Variants in ITSN1 observed in about 807,000 individuals in gnomAD.
ITSN1 encodes intersectin 1, also known as intersectin-1.
Under a neutral mutation model 239.8 loss-of-function variants are expected in ITSN1, and 58 were observed. The observed-to-expected ratio is 0.24, with a 90% CI of 0.20 to 0.30. The LOEUF (loss-of-function observed/expected upper bound fraction) is 0.30, where lower values mean the gene tolerates loss of function less well. Among genes scored for constraint, ITSN1 ranks in the 10% least tolerant of loss-of-function variants. The pLI is 1.00. For synonymous variants in ITSN1, 780 were observed against 770.8 expected, an observed-to-expected ratio of 1.01 and a Z score of -0.20; for missense variants, 1,558 against 2,103.3, an observed-to-expected ratio of 0.74 and a Z score of 5.07.
chr21:33,753,355 G>A (rs2067686925), intron 7 of ITSN1, among the ~76,000 whole-genome samples: 1 of 152,172 alleles, frequency 6.6e-6, no homozygotes, highest in Non-Finnish European at 1.5e-5. Context: ...TCAAGATGGT[G>A]CATGAGGAAG....
intron 1 of ITSN1, among the ~76,000 whole-genome samples, chr21:33,690,620 G>A (rs2091465975): frequency 6.8e-6 from 1 of 147,468 alleles, no homozygotes; most frequent in South Asian, 2.2e-4. Context: ...AATTAGCCAG[G>A]CATGGTGGTG....
Position 33,703,968 on chromosome 21 carries a change from T to C in ITSN1, c.-32-14829T>C, listed in dbSNP as rs1267125115. On this transcript the variant is annotated intron_variant, in intron 1 of 39. Coordinates refer to ENST00000381318, the MANE Select transcript of ITSN1 (RefSeq NM_003024.3). The stretch of plus-strand genomic sequence containing the variant: ...TGCACTCCTGGGTAACTCTCCTGCT[T>C]TCTAGGCCACAGGGCCAGGGACCTC... 6.6e-5 allele frequency among the ~76,000 whole-genome samples: 10 copies of C among 152,312 alleles called. No homozygotes were observed. The East Asian group carries it at 1.9e-3, about 29-fold the overall frequency.
At chr21:33,740,234 CG>C (rs2066759980) in intron 5 of ITSN1, among the ~76,000 whole-genome samples, 1 of 152,072 alleles carries the variant, frequency 6.6e-6, no homozygotes, top group Admixed American at 6.5e-5. Context: ...GGGATGACTA[CG>C]TTTGACTGAA....
intron 11 of ITSN1, among the ~76,000 whole-genome samples, chr21:33,771,345 C>A (rs1306871325): frequency 2.6e-5 from 4 of 152,076 alleles, no homozygotes; most frequent in African/African-American, 9.7e-5. Context: ...AATGAGTGCT[C>A]CCCTGGCCGG....
At chr21:33,649,629 G>GGTA (rs1339489739) in intron 1 of ITSN1, among the ~76,000 whole-genome samples, 1 of 152,138 alleles carries the variant, frequency 6.6e-6, no homozygotes, top group Non-Finnish European at 1.5e-5. Flanking sequence ...GGAGTCATGT[G>GGTA]GTAGTGCGTT....
chr21:33,788,119 CTT>C (rs1009338744), intron 16 of ITSN1, among the ~76,000 whole-genome samples: 3 of 152,138 alleles, frequency 2.0e-5, no homozygotes, highest in Non-Finnish European at 4.4e-5. Context: ...GAAGCAGACA[CTT>C]TGAGGGAAAT....
chr21:33,761,783 C>T, intron 8 of ITSN1, 140 bp from the exon 9 acceptor site: 1 of 634,812 alleles, frequency 1.6e-6, no homozygotes, highest in South Asian at 2.4e-5. Flanking sequence ...TACAAAGCCC[C>T]TGCGGTAGTA....
intron 16 of ITSN1, among the ~76,000 whole-genome samples, chr21:33,790,208 T>G (rs1423125914): frequency 6.6e-6 from 1 of 152,024 alleles, no homozygotes; most frequent in Admixed American, 6.6e-5. Context: ...TGGAACCTGG[T>G]TAAGAAACTC....
chr21:33,691,580 A>C (rs937017845), intron 1 of ITSN1, among the ~76,000 whole-genome samples: 2 of 152,202 alleles, frequency 1.3e-5, no homozygotes, highest in African/African-American at 4.8e-5. Context: ...GGAGACATCA[A>C]GGTCAGTAGA....
chr21:33,769,854 C>G (rs1387989446), intron 11 of ITSN1, among the ~76,000 whole-genome samples: 2 of 151,562 alleles, frequency 1.3e-5, no homozygotes, highest in Non-Finnish European at 2.9e-5. Context: ...TGCCACCACA[C>G]CCAGCTAATT....
chr21:33,841,677 G>A (rs956047842), intron 29 of ITSN1, among the ~76,000 whole-genome samples: 3 of 152,186 alleles, frequency 2.0e-5, no homozygotes, highest in African/African-American at 7.2e-5. Flanking sequence ...CCCCACCCAG[G>A]TAACAGTTGG....
At chr21:33,700,676 G>T (rs887872706) in intron 1 of ITSN1, among the ~76,000 whole-genome samples, 1 of 152,128 alleles carries the variant, frequency 6.6e-6, no homozygotes, top group Non-Finnish European at 1.5e-5. Context: ...CGGGTTGGTG[G>T]CATCTTACAC....
chr21:33,860,685 A>G (rs1258063033), intron 31 of ITSN1, among the ~76,000 whole-genome samples: 2 of 152,168 alleles, frequency 1.3e-5, no homozygotes, highest in African/African-American at 4.8e-5. Flanking sequence ...TGACTTCCCT[A>G]AAGTCACACA....
intron 29 of ITSN1, chr21:33,837,844 C>T (rs887350466): frequency 2.7e-5 from 27 of 985,674 alleles, no homozygotes; most frequent in African/African-American, 5.2e-5. Flanking sequence ...TTTAATTTTG[C>T]GTGTTTGCAT....
intron 1 of ITSN1, among the ~76,000 whole-genome samples, chr21:33,660,135 C>T (rs1220339161): frequency 4.6e-5 from 7 of 152,192 alleles, no homozygotes; most frequent in South Asian, 2.1e-4. Flanking sequence ...TATTTTTTCA[C>T]TTTACTACTT....
chr21:33,834,559 C>A, intron 28 of ITSN1, 135 bp downstream of exon 28: 2 of 673,650 alleles, frequency 3.0e-6, no homozygotes, highest in Non-Finnish European at 5.4e-6. Context: ...CTGGGACTGA[C>A]ACCCAACTAA....
chr21:33,665,871 A>G (rs1381858513), intron 1 of ITSN1, among the ~76,000 whole-genome samples: 1 of 152,202 alleles, frequency 6.6e-6, no homozygotes, highest in Non-Finnish European at 1.5e-5. Flanking sequence ...GAAAACATGT[A>G]TAACATAGAT....
rs2074752978 is a variant in ITSN1, at chr21:33,839,531, G to C, written c.3661+2899G>C. On this transcript the variant is annotated intron_variant, in intron 29 of 39. Transcript: ENST00000381318. The stretch of plus-strand genomic sequence containing the variant: ...GGGAGATCCTTCTCACTGTCCCCCA[G>C]GCCACCCCCGTGTGGAGCAGTGGTT... 1.3e-5 allele frequency among the ~76,000 whole-genome samples: 2 copies of C among 152,192 alleles called. 1 individual carries two copies. The highest frequency in any genetic ancestry group is 4.1e-4 in the South Asian group (2 of 4,834).
intron 1 of ITSN1, among the ~76,000 whole-genome samples, chr21:33,682,901 CTTTA>C (rs770482966): frequency 2.0e-5 from 3 of 151,938 alleles, no homozygotes; most frequent in Non-Finnish European, 2.9e-5. Flanking sequence ...GTATCTATTG[CTTTA>C]TTTGTTATGT....
Sources: allele counts gnomAD v4.1 joint callset (sites outside exome capture counted in the v4.1 genomes callset), GRCh38; gene constraint gnomAD v4.1.1; transcripts MANE v1.5; gene names NCBI Gene and HGNC (gene_info 2026-07-23, HGNC 2026-07-21).